The following BCAR3 variants were observed in gnomAD, a reference collection of about 807,000 sequenced individuals.
The protein encoded by BCAR3 is breast cancer anti-estrogen resistance protein 3.
A neutral mutation model predicts 80.1 loss-of-function variants in BCAR3; 37 were observed. That is an observed-to-expected ratio of 0.46 (90% CI 0.36 to 0.61). The LOEUF (loss-of-function observed/expected upper bound fraction) is 0.61, where lower values mean the gene tolerates loss of function less well. Among genes scored for constraint, BCAR3 ranks in the 20% least tolerant of loss-of-function variants. BCAR3 has a pLI of 0.00. For synonymous variants in BCAR3, 389 were observed against 418.9 expected, an observed-to-expected ratio of 0.93 and a Z score of 0.87; for missense variants, 978 against 1,068.2, an observed-to-expected ratio of 0.92 and a Z score of 1.18.
chr1:93,564,934 A>G (rs564623823), intron 11 of BCAR3, among the ~76,000 whole-genome samples: 51 of 152,334 alleles, frequency 3.3e-4, no homozygotes, highest in South Asian at 8.3e-4. Flanking sequence ...CCAAAGAGTC[A>G]TGTGGTTCTC....
chr1:93,575,909 C>T, intron 8 of BCAR3, 105 bp downstream of exon 8: 1 of 918,014 alleles, frequency 1.1e-6, no homozygotes, highest in Non-Finnish European at 1.7e-6. Flanking sequence ...GTACTGTTAC[C>T]CCAGGGCTAG....
intron 5 of BCAR3, among the ~76,000 whole-genome samples, chr1:93,584,708 C>A (rs1673871767): frequency 6.6e-6 from 1 of 152,220 alleles, no homozygotes; most frequent in Non-Finnish European, 1.5e-5. Flanking sequence ...TGGGAAAAGG[C>A]ACCGGCACGG....
intron 2 of BCAR3, among the ~76,000 whole-genome samples, chr1:93,661,167 G>C (rs963559718): frequency 6.6e-6 from 1 of 152,130 alleles, no homozygotes; most frequent in Non-Finnish European, 1.5e-5. Flanking sequence ...AGCCTCCCGA[G>C]TAGGTGGGAT....
At chr1:93,745,270 T>C (rs943090989) in intron 2 of BCAR3, among the ~76,000 whole-genome samples, 3 of 152,102 alleles carry the variant, frequency 2.0e-5, no homozygotes, top group Non-Finnish European at 4.4e-5. Context: ...AGTTGGCAGT[T>C]GGATTCAGCC....
chr1:93,567,883 C>T, intron 9 of BCAR3, 32 bp from the exon 10 acceptor site: 1 of 1,572,806 alleles, frequency 6.4e-7, no homozygotes, highest in Non-Finnish European at 8.8e-7. Flanking sequence ...GGAAAAGGTT[C>T]TTTTTAAAAT....
At chr1:93,763,929 C>A (rs1652050682) in intron 2 of BCAR3, among the ~76,000 whole-genome samples, 1 of 152,176 alleles carries the variant, frequency 6.6e-6, no homozygotes, top group Non-Finnish European at 1.5e-5. Flanking sequence ...CTGGCTCCAG[C>A]ACACCACTGA....
intron 2 of BCAR3, among the ~76,000 whole-genome samples, chr1:93,829,203 C>A (rs1654475690): frequency 6.6e-6 from 1 of 152,010 alleles, no homozygotes; most frequent in South Asian, 2.1e-4. Context: ...TTGGGTTGAC[C>A]AGGTGTGCCA....
At chr1:93,765,009 C>T (rs1652097158) in intron 2 of BCAR3, among the ~76,000 whole-genome samples, 1 of 152,158 alleles carries the variant, frequency 6.6e-6, no homozygotes, top group African/African-American at 2.4e-5. Context: ...GATTGAGCTC[C>T]CCTGCTCAGA....
intron 3 of BCAR3, among the ~76,000 whole-genome samples, chr1:93,608,414 A>ATCTT (rs1265039470): frequency 6.6e-6 from 1 of 152,158 alleles, no homozygotes; most frequent in African/African-American, 2.4e-5. Context: ...CACTGACAAC[A>ATCTT]TCTTTAAACC....
intron 3 of BCAR3, among the ~76,000 whole-genome samples, chr1:93,601,376 C>T (rs979137820): frequency 2.0e-5 from 3 of 152,134 alleles, no homozygotes; most frequent in Admixed American, 6.5e-5. Flanking sequence ...TTTGTTTATT[C>T]GTTTATTTCA....
intron 2 of BCAR3, among the ~76,000 whole-genome samples, chr1:93,837,232 A>T (rs866306219): frequency 1.3e-5 from 2 of 152,226 alleles, no homozygotes; most frequent in Non-Finnish European, 2.9e-5. Flanking sequence ...AGTAAAAAAT[A>T]AAAATAAAAA....
At chr1:93,802,013 G>A (rs1653495897) in intron 2 of BCAR3, among the ~76,000 whole-genome samples, 1 of 152,044 alleles carries the variant, frequency 6.6e-6, no homozygotes, top group South Asian at 2.1e-4. Context: ...AGCTCCTCAG[G>A]AGGCTGAGGC....
At chr1:93,598,697 G>A (rs1193163983) in intron 3 of BCAR3, among the ~76,000 whole-genome samples, 2 of 152,120 alleles carry the variant, frequency 1.3e-5, no homozygotes, top group Non-Finnish European at 1.5e-5. Context: ...CTTGGCAGCC[G>A]GGGCAAGTTA....
At chr1:93,815,850 C>G (rs568597298) in intron 2 of BCAR3, among the ~76,000 whole-genome samples, 1 of 152,208 alleles carries the variant, frequency 6.6e-6, no homozygotes, top group Middle Eastern at 3.2e-3. Context: ...CCACACTTAT[C>G]TCACTGATTA....
intron 9 of BCAR3, among the ~76,000 whole-genome samples, chr1:93,570,106 C>T (rs72963327): frequency 0.039 from 5,974 of 152,266 alleles, 376 homozygotes; most frequent in African/African-American, 0.14. Flanking sequence ...CTGAAGAATT[C>T]TGAAAGCTTC....
At chr1:93,777,402 TTCCTCC>T (rs58306702) in intron 2 of BCAR3, among the ~76,000 whole-genome samples, 2 of 119,126 alleles carry the variant, frequency 1.7e-5, no homozygotes, top group African/African-American at 8.7e-5. Flanking sequence ...CTTCTTCCTC[TTCCTCC>T]TCCTCTTCCT....
At chr1:93,759,864 G>A (rs1347693572) in intron 2 of BCAR3, among the ~76,000 whole-genome samples, 2 of 152,134 alleles carry the variant, frequency 1.3e-5, no homozygotes, top group African/African-American at 4.8e-5. Flanking sequence ...CATGGTCCAC[G>A]TGGACCATCA....
chr1:93,609,112 G>A (rs1040730522), intron 3 of BCAR3, among the ~76,000 whole-genome samples: 1 of 152,192 alleles, frequency 6.6e-6, no homozygotes, highest in South Asian at 2.1e-4. Context: ...AGTTCCAGGG[G>A]CCTGGCACTC....
intron 2 of BCAR3, among the ~76,000 whole-genome samples, chr1:93,812,133 A>G (rs1653866399): frequency 6.6e-6 from 1 of 152,212 alleles, no homozygotes; most frequent in Non-Finnish European, 1.5e-5. Context: ...GAAGACTTGA[A>G]TGCTTCATAT....
Sources: allele counts gnomAD v4.1 joint callset (sites outside exome capture counted in the v4.1 genomes callset), GRCh38; gene constraint gnomAD v4.1.1; transcripts MANE v1.5; gene names NCBI Gene and HGNC (gene_info 2026-07-23, HGNC 2026-07-21).